Variants in CLEC3A observed in about 807,000 individuals in gnomAD.
The protein encoded by CLEC3A is C-type lectin domain family 3 member A.
CLEC3A carries 28 observed loss-of-function variants against 20.4 expected under a neutral mutation model. The observed-to-expected ratio is 1.37, with a 90% CI of 1.02 to 1.88. CLEC3A has a LOEUF of 1.88. Among genes scored for constraint, CLEC3A ranks in the 40% most tolerant of loss-of-function variants. The pLI is 0.00. For synonymous variants in CLEC3A, 110 were observed against 88.1 expected (o/e 1.25, Z -1.39); for missense variants, 357 against 240.4 (o/e 1.48, Z -3.21).
At chr16:78,029,051 C>G (rs1372333571) in intron 2 of CLEC3A, 1 of 447,618 alleles carries the variant, frequency 2.2e-6, no homozygotes, top group Non-Finnish European at 4.5e-6. Flanking sequence ...CAGTCAGGTA[C>G]TAGAAATTCT....
intron 1 of CLEC3A, among the ~76,000 whole-genome samples, chr16:78,025,378 G>C (rs909411060): frequency 3.3e-5 from 5 of 152,152 alleles, no homozygotes; most frequent in African/African-American, 4.8e-5. Flanking sequence ...TGCTCCCCAT[G>C]TTAGGATGTT....
At chr16:78,025,598 A>G (rs762211834) in intron 1 of CLEC3A, among the ~76,000 whole-genome samples, 8 of 152,222 alleles carry the variant, frequency 5.3e-5, no homozygotes, top group Non-Finnish European at 8.8e-5. Context: ...TCTGGAGAGC[A>G]ACAGTAAAAT....
chr16:78,022,599 C>T lies in CLEC3A; in HGVS notation c.-28C>T. The T allele has an allele frequency of 6.2e-7, 1 of 1,612,608 alleles. No homozygotes were observed. Among genetic ancestry groups the T allele is most frequent in the South Asian group, 1.1e-5 (1 of 90,826 alleles). On this transcript the variant is annotated 5_prime_UTR_variant, in exon 1 of 3. Coordinates refer to ENST00000299642, the MANE Select transcript of CLEC3A (RefSeq NM_005752.6). ...ATAGCTGCTCTAAGGGGGCTGGCAA[C>T]ATGGCTCAGCAGGCTTGCCCCAGAG... is the stretch of plus-strand genomic sequence containing the variant.
rs1045105542 is a variant in CLEC3A, at chr16:78,031,334, T to G, written c.*493T>G. 1 of 153,052 alleles carries G rather than the reference T, an allele frequency of 6.5e-6. No homozygotes were observed. The highest frequency in any genetic ancestry group is 1.5e-5 in the Non-Finnish European group (1 of 68,728). 9.5% of individuals were successfully genotyped at this position (153,052 alleles called of 1,614,324 possible). On this transcript the variant is annotated 3_prime_UTR_variant, in exon 3 of 3. Coordinates refer to ENST00000299642, the MANE Select transcript of CLEC3A (RefSeq NM_005752.6). ...GTCCCATGCTGGCAATAATACCTTG[T>G]CAGCCCATTACCCTTATTTTGAATT...
chr16:78,028,843 T>C (rs2030001736), intron 2 of CLEC3A, among the ~76,000 whole-genome samples: 1 of 152,236 alleles, frequency 6.6e-6, no homozygotes, highest in Non-Finnish European at 1.5e-5. Flanking sequence ...AGACTGAAGT[T>C]ACGGCTTTCC....
In CLEC3A at chr16:78,030,689, G is replaced by A. The variant is rs755834833; in HGVS notation, c.442G>A (p.Ala148Thr). 6.8e-6 allele frequency: 11 copies of A among 1,613,950 alleles called. No individual in the cohort carries two copies. The highest frequency in any genetic ancestry group is 1.6e-4 in the Middle Eastern group (1 of 6,084). Residue 148 changes from alanine (A) to threonine (T), a missense_variant, in exon 3 of 3, where the codon GCT becomes ACT. Ala to Thr is a moderately conservative substitution (Grantham distance 58). Coordinates refer to ENST00000299642, the MANE Select transcript of CLEC3A (RefSeq NM_005752.6). The part of the protein sequence containing the change: ...EGKFVDVNGI[A>T]ISFLNWDRAQ... The stretch of plus-strand genomic sequence containing the variant: ...CAAGTTTGTTGACGTCAACGGAATC[G>A]CTATCTCCTTCCTCAACTGGGACCG...
chr16:78,022,952 A>C (rs1396294746), intron 1 of CLEC3A, among the ~76,000 whole-genome samples: 3 of 152,210 alleles, frequency 2.0e-5, no homozygotes, highest in Non-Finnish European at 2.9e-5. Context: ...TTTAAAAAAA[A>C]ACAACAGGGA....
Position 78,030,523 on chromosome 16 carries a change from T to C in CLEC3A, c.276T>C (p.Asn92=). Residue 92 remains asparagine, a synonymous_variant, in exon 3 of 3, where the codon AAT becomes AAC. Transcript: ENST00000299642. ...SEGLKHFHEA[N]EDCISKGGIL... ...GTTTGAAGCATTTCCATGAGGCCAA[T>C]GAAGACTGCATTTCCAAAGGAGGAA... The C allele has an allele frequency of 1.2e-6, 2 of 1,614,148 alleles. No homozygotes were observed. Among genetic ancestry groups the C allele is most frequent in the Non-Finnish European group, 1.7e-6 (2 of 1,180,018 alleles).
At chr16:78,028,536 A>T (rs1467064744) in intron 2 of CLEC3A, among the ~76,000 whole-genome samples, 1 of 152,248 alleles carries the variant, frequency 6.6e-6, no homozygotes, top group African/African-American at 2.4e-5. Flanking sequence ...TCAGGCCACC[A>T]GGACTCTCTC....
intron 2 of CLEC3A, among the ~76,000 whole-genome samples, chr16:78,030,045 C>T (rs559245597): frequency 1.4e-3 from 213 of 148,352 alleles, no homozygotes; most frequent in African/African-American, 4.6e-3. Context: ...CCCAGCTACT[C>T]GGGAGCCTGA....
chr16:78,028,246 G>A, intron 2 of CLEC3A, 56 bp downstream of exon 2: 1 of 1,322,626 alleles, frequency 7.6e-7, no homozygotes, highest in Non-Finnish European at 1.0e-6. Flanking sequence ...AAATTTCTGG[G>A]TCAATTTCTG....
At chr16:78,025,508 T>C (rs1305980206) in intron 1 of CLEC3A, among the ~76,000 whole-genome samples, 2 of 152,230 alleles carry the variant, frequency 1.3e-5, no homozygotes, top group Admixed American at 1.3e-4. Flanking sequence ...CCTATGTATT[T>C]TGACAGTCCA....
In CLEC3A at chr16:78,023,784, G is replaced by A. The variant is rs549631209; in HGVS notation, c.115+1043G>A. On this transcript the variant is annotated intron_variant, in intron 1 of 2. Coordinates refer to ENST00000299642, the MANE Select transcript of CLEC3A (RefSeq NM_005752.6). ...TTTTTTTTTTTTTTTCTGAGACAGA[G>A]TCTCGCTCTGTCGCCCAGGCTGGAG... 4.7e-4 allele frequency among the ~76,000 whole-genome samples: 69 copies of A among 146,946 alleles called. 1 individual carries two copies. The highest frequency in any genetic ancestry group is 3.6e-3 in the Middle Eastern group (1 of 280).
At chr16:78,024,185 G>C (rs776088017) in intron 1 of CLEC3A, among the ~76,000 whole-genome samples, 2 of 152,206 alleles carry the variant, frequency 1.3e-5, no homozygotes, top group Non-Finnish European at 2.9e-5. Context: ...GGAGAGGGGA[G>C]AGAGAAGATA....
chr16:78,030,903 A>T lies in CLEC3A; in HGVS notation c.*62A>T. On this transcript the variant is annotated 3_prime_UTR_variant, in exon 3 of 3. Coordinates refer to ENST00000299642, the MANE Select transcript of CLEC3A (RefSeq NM_005752.6). ...ATAACTTATAGGTTCATGATCTCTA[A>T]GATCAAGTAAAAATCATAATTTTTA... 6.7e-7 allele frequency: 1 copy of T among 1,487,680 alleles called. No homozygotes were observed. Among genetic ancestry groups the T allele is most frequent in the Non-Finnish European group, 9.0e-7 (1 of 1,110,034 alleles). 92.2% of individuals were successfully genotyped at this position (1,487,680 alleles called of 1,614,324 possible).
chr16:78,030,162 A>G (rs999822365), intron 2 of CLEC3A, among the ~76,000 whole-genome samples: 2 of 151,654 alleles, frequency 1.3e-5, no homozygotes, highest in Admixed American at 6.6e-5. Context: ...CAAAAAAAAA[A>G]AAAAAAAAAT....
chr16:78,029,258 ATCTT>A (rs1200606047), intron 2 of CLEC3A: 29 of 369,978 alleles, frequency 7.8e-5, no homozygotes, highest in Middle Eastern at 7.4e-4. Context: ...GCCTAAAACT[ATCTT>A]TATGCTCAGT....
At position 78,030,465 on chromosome 16, in the gene CLEC3A, A is replaced by ATTT; in HGVS notation, c.218_219insTTT (p.Lys73delinsAsnLeu). 6.2e-7 allele frequency: 1 copy of ATTT among 1,607,808 alleles called. No homozygotes were observed. Among genetic ancestry groups the ATTT allele is most frequent in the Non-Finnish European group, 8.5e-7 (1 of 1,176,114 alleles). On this transcript the variant is annotated protein_altering_variant, in exon 3 of 3. Coordinates refer to ENST00000299642, the MANE Select transcript of CLEC3A (RefSeq NM_005752.6). The stretch of plus-strand genomic sequence containing the variant: ...TTCACAGTCTGTCTCCGAGGCACTA[A>ATTT]AGTTCACAAGAAATGCTACCTTGCT...
chr16:78,026,146 G>A (rs2029911653), intron 1 of CLEC3A, among the ~76,000 whole-genome samples: 1 of 152,184 alleles, frequency 6.6e-6, no homozygotes, highest in African/African-American at 2.4e-5. Context: ...CTGAGCCATG[G>A]GATGCTTTGA....
Sources: gnomAD v4.1 joint callset for allele counts (sites outside exome capture counted in the v4.1 genomes callset) on GRCh38, gnomAD v4.1.1 for gene constraint, MANE v1.5 for transcripts, NCBI Gene and HGNC (gene_info 2026-07-23, HGNC 2026-07-21) for gene names.